The following PRUNE2 variants were observed in gnomAD, a reference collection of about 807,000 sequenced individuals.
PRUNE2 encodes protein prune homolog 2.
In PRUNE2, 164 loss-of-function variants were observed where a neutral mutation model predicts 252.0. The observed-to-expected ratio is 0.65, with a 90% CI of 0.57 to 0.74. The LOEUF is 0.74. Among genes scored for constraint, PRUNE2 ranks in the 30% least tolerant of loss-of-function variants. The pLI is 0.00. For synonymous variants in PRUNE2, 1,292 were observed against 1,350.2 expected (o/e 0.96, Z 0.94); for missense variants, 3,495 against 3,711.0 (o/e 0.94, Z 1.51).
chr9:76,641,933 C>T, intron 12 of PRUNE2: 1 of 1,527,402 alleles, frequency 6.5e-7, no homozygotes, highest in African/African-American at 1.4e-5. Context: ...CTCATTCTTT[C>T]CAGGGTCATT....
Position 76,649,285 on chromosome 9 carries a change from T to C in PRUNE2, c.8557+3198A>G, listed in dbSNP as rs79435865. ...TTCCTCTGCACATACACAGACACGT[T>C]TATTTTTCAAAGAGTATGATTATTC... is the stretch of plus-strand genomic sequence containing the variant. On this transcript the variant is annotated intron_variant, in intron 11 of 18. Transcript: ENST00000376718. Among the ~76,000 whole-genome samples the C allele has an allele frequency of 6.9e-3, 1,047 of 152,338 alleles. 11 individuals are homozygous for C. Among genetic ancestry groups the C allele is most frequent in the Admixed American group, 0.011 (175 of 15,296 alleles).
intron 1 of PRUNE2, among the ~76,000 whole-genome samples, chr9:76,863,682 C>G (rs2060679186): frequency 6.6e-6 from 1 of 152,220 alleles, no homozygotes; most frequent in Non-Finnish European, 1.5e-5. Flanking sequence ...CCCCAATCTA[C>G]CTACTTTGCT....
Position 76,708,937 on chromosome 9 carries a change from C to T in PRUNE2, c.3337G>A (p.Asp1113Asn), listed in dbSNP as rs200875180. The change falls in exon 8 of 19, where the codon GAC (aspartate) becomes AAC (asparagine). Residue 1113 changes from aspartate (D) to asparagine (N), a missense_variant. Transcript: ENST00000376718. The stretch of plus-strand genomic sequence containing the variant: ...TCCAAAATCACTCTGTTCCACAAGT[C>T]GAGACTGTCAGGGGCCGTCTGCCGG... Reference protein sequence around the residue: ...NSRQTAPDSLDLWNRVILEDT... With the variant: ...NSRQTAPDSLNLWNRVILEDT... The T allele has an allele frequency of 3.9e-3, 6,297 of 1,613,956 alleles. 19 individuals carry two copies. The highest frequency in any genetic ancestry group is 4.0e-3 in the Non-Finnish European group (4,746 of 1,179,882).
chr9:76,771,815 G>T (rs1219022911), intron 6 of PRUNE2, among the ~76,000 whole-genome samples: 1 of 152,026 alleles, frequency 6.6e-6, no homozygotes, highest in Non-Finnish European at 1.5e-5. Flanking sequence ...TCCGTGTACT[G>T]CCCACAAAAG....
At chr9:76,882,416 G>A (rs537882534) in intron 1 of PRUNE2, among the ~76,000 whole-genome samples, 30 of 152,284 alleles carry the variant, frequency 2.0e-4, no homozygotes, top group African/African-American at 5.8e-4. Context: ...GTATTAGGCC[G>A]TTCTTGCATT....
At chr9:76,720,659 G>T (rs2047556473) in intron 6 of PRUNE2, among the ~76,000 whole-genome samples, 1 of 151,862 alleles carries the variant, frequency 6.6e-6, no homozygotes, top group African/African-American at 2.4e-5. Context: ...CTGATTCATA[G>T]AAAGTACTTT....
intron 1 of PRUNE2, among the ~76,000 whole-genome samples, chr9:76,866,373 A>C (rs1288151339): frequency 6.6e-6 from 1 of 152,280 alleles, no homozygotes; most frequent in Non-Finnish European, 1.5e-5. Context: ...CACTGATTTT[A>C]CATACAGTGA....
intron 1 of PRUNE2, among the ~76,000 whole-genome samples, chr9:76,902,303 C>A (rs961922795): frequency 6.6e-6 from 1 of 152,218 alleles, no homozygotes; most frequent in Non-Finnish European, 1.5e-5. Flanking sequence ...TCATTCCCTA[C>A]ACTCCTTCAA....
chr9:76,616,605 C>G (rs898311197), intron 18 of PRUNE2, among the ~76,000 whole-genome samples: 8 of 152,186 alleles, frequency 5.3e-5, no homozygotes, highest in African/African-American at 1.9e-4. Context: ...TGTAAATCTT[C>G]TAGGATTTAA....
At position 76,611,535 on chromosome 9, in the gene PRUNE2, A is replaced by G. The variant is rs1486874451; in HGVS notation, c.*3035T>C. On this transcript the variant is annotated 3_prime_UTR_variant, in exon 19 of 19. Coordinates refer to ENST00000376718, the MANE Select transcript of PRUNE2 (RefSeq NM_015225.3). ...CTGAGCAATCCAATGCATGATAGAA[A>G]AACCTTTAGATATATAAAAGATTAA... 6.6e-6 allele frequency: 1 copy of G among 152,274 alleles called. No homozygotes were observed. Among genetic ancestry groups the G allele is most frequent in the Non-Finnish European group, 1.5e-5 (1 of 68,048 alleles). The allele number at this position is 152,274 out of a possible 1,614,324, so 9.4% of individuals were successfully genotyped here. A position where few individuals can be genotyped will look rare whatever the true frequency, so the allele number is the denominator to read the frequency against.
chr9:76,858,758 TAA>T (rs879425476), intron 1 of PRUNE2, among the ~76,000 whole-genome samples: 6 of 123,346 alleles, frequency 4.9e-5, no homozygotes, highest in African/African-American at 1.2e-4. Flanking sequence ...AAGGTATAAT[TAA>T]AAAAAAAAAA....
intron 6 of PRUNE2, among the ~76,000 whole-genome samples, chr9:76,773,172 TTTG>T (rs1358879327): frequency 6.6e-6 from 1 of 152,202 alleles, no homozygotes; most frequent in Admixed American, 6.5e-5. Context: ...AAAGCGGTCT[TTTG>T]TTGTTGTTGG....
At chr9:76,771,217 G>A (rs2053068949) in intron 6 of PRUNE2, among the ~76,000 whole-genome samples, 1 of 152,100 alleles carries the variant, frequency 6.6e-6, no homozygotes, top group Non-Finnish European at 1.5e-5. Context: ...GATAACTGGT[G>A]ATCAAATATA....
intron 9 of PRUNE2, among the ~76,000 whole-genome samples, chr9:76,678,697 C>T (rs1027311528): frequency 2.4e-4 from 37 of 151,890 alleles, no homozygotes; most frequent in African/African-American, 8.0e-4. Flanking sequence ...GGCGTGGTGG[C>T]GGGCGCCTGT....
chr9:76,749,710 G>GGTTCAGAAGTCA (rs1401333699), intron 6 of PRUNE2, among the ~76,000 whole-genome samples: 8 of 152,248 alleles, frequency 5.3e-5, no homozygotes, highest in African/African-American at 1.9e-4. Flanking sequence ...ACCCCAGTTT[G>GGTTCAGAAGTCA]GTTTGTAACA....
chr9:76,638,119 G>A, intron 13 of PRUNE2, 67 bp downstream of exon 13: 1 of 940,614 alleles, frequency 1.1e-6, no homozygotes, highest in Non-Finnish European at 1.7e-6. Context: ...TTTAATTAAA[G>A]GTGCTCTATC....
At position 76,710,835 on chromosome 9, in the gene PRUNE2, T is replaced by C; in HGVS notation, c.1439A>G (p.Glu480Gly). 6.5e-7 allele frequency: 1 copy of C among 1,548,740 alleles called. No individual in the cohort carries two copies. Among genetic ancestry groups the C allele is most frequent in the Middle Eastern group, 1.8e-4 (1 of 5,692 alleles). Residue 480 changes from glutamate to glycine, a missense_variant, in exon 8 of 19, where the codon GAA (glutamate) becomes GGA (glycine). By Grantham distance (98) the Glu-to-Gly change is moderately conservative. Transcript: ENST00000376718. The part of the protein sequence containing the change: ...SPIPEGAVAE[E>G]HAWSGEHGEH... The stretch of plus-strand genomic sequence containing the variant: ...ACCGTGTTCTCCAGACCATGCATGT[T>C]CCTCCGCCACCGCCCCTTCAGGGAT...
At chr9:76,644,448 T>C in intron 12 of PRUNE2, 1 of 434,862 alleles carries the variant, frequency 2.3e-6, no homozygotes, top group South Asian at 2.0e-5. Context: ...CAAACAGACA[T>C]TTAAATTAGA....
chr9:76,823,844 C>T (rs1207196863), intron 5 of PRUNE2, 118 bp from the exon 6 acceptor site: 3 of 639,740 alleles, frequency 4.7e-6, no homozygotes, highest in Non-Finnish European at 8.4e-6. Flanking sequence ...CCTCAAATGT[C>T]ACTTTTATCC....
Sources: gnomAD v4.1 joint callset for allele counts (sites outside exome capture counted in the v4.1 genomes callset) on GRCh38, gnomAD v4.1.1 for gene constraint, MANE v1.5 for transcripts, NCBI Gene and HGNC (gene_info 2026-07-23, HGNC 2026-07-21) for gene names.